Variants in FLYWCH1 observed in about 807,000 individuals in gnomAD.
FLYWCH1 encodes the protein FLYWCH-type zinc finger 1.
FLYWCH1 carries 75 observed loss-of-function variants against 66.4 expected under a neutral mutation model. That is an observed-to-expected ratio of 1.13 (90% CI 0.94 to 1.37). The LOEUF (loss-of-function observed/expected upper bound fraction) is 1.37, where lower values mean the gene tolerates loss of function less well. Among genes scored for constraint, FLYWCH1 ranks in the 40% most tolerant of loss-of-function variants. FLYWCH1 has a pLI of 0.00. For missense variants in FLYWCH1, 1,334 were observed against 1,001.8 expected (o/e 1.33, Z -4.48); for synonymous variants, 595 against 429.9 (o/e 1.38, Z -4.75).
At chr16:2,923,651 G>C (rs1288191454) in intron 2 of FLYWCH1, among the ~76,000 whole-genome samples, 3 of 152,168 alleles carry the variant, frequency 2.0e-5, no homozygotes, top group African/African-American at 4.8e-5. Flanking sequence ...TGGGGGATGT[G>C]GTGTTTGTGT....
rs1246737211 is a variant in FLYWCH1, at chr16:2,945,841, C to CA, written c.2112-2841dup. ...TGAAATCCCATCTCTACTAAAAATA[C>CA]AAAAAATTAGCCGAGCGTGGTGGCA... On this transcript the variant is annotated intron_variant, in intron 9 of 9. Transcript: ENST00000253928. Among the ~76,000 whole-genome samples the CA allele has an allele frequency of 2.6e-5, 4 of 151,392 alleles. No individual in the cohort carries two copies. In the South Asian group the frequency reaches 6.3e-4, roughly 24 times the overall value.
rs761721038 is a variant in FLYWCH1, at chr16:2,930,756, C to A, written c.672C>A (p.Cys224Ter). 1.3e-6 allele frequency: 2 copies of A among 1,570,990 alleles called. No homozygotes were observed. The highest frequency in any genetic ancestry group is 1.7e-6 in the Non-Finnish European group (2 of 1,163,652). The change falls in exon 4 of 10, where the codon TGC (cysteine) becomes TGA (stop). Residue 224 changes from cysteine (C) to a stop codon, truncating the protein, a stop_gained. Coordinates refer to ENST00000253928, the MANE Select transcript of FLYWCH1 (RefSeq NM_001308068.2). LOFTEE classifies it high-confidence loss of function. Reference sequence around the variant, plus strand: ...TGGAGGGGGTGGGCCCGTGGCAGTGCCCTGAGGAGCCCGAGCCCACTCCTG... The same window carrying A: ...TGGAGGGGGTGGGCCCGTGGCAGTGACCTGAGGAGCCCGAGCCCACTCCTG... ...EPLEGVGPWQ[C>*]PEEPEPTPGL...
At chr16:2,932,575 TGGCCCCTGCCCTG>T (rs1273576005) in intron 4 of FLYWCH1, among the ~76,000 whole-genome samples, 3 of 152,076 alleles carry the variant, frequency 2.0e-5, no homozygotes, top group Non-Finnish European at 2.9e-5. Flanking sequence ...GGATCTGAGG[TGGCCCCTGCCCTG>T]GGCACCTGGG....
intron 6 of FLYWCH1, chr16:2,936,439 C>T: frequency 2.2e-6 from 1 of 453,070 alleles, no homozygotes; most frequent in South Asian, 1.6e-5. Context: ...GTTCCACAGC[C>T]AGACACCCTC....
chr16:2,920,185 T>A (rs1398656199), intron 2 of FLYWCH1, among the ~76,000 whole-genome samples: 1 of 152,110 alleles, frequency 6.6e-6, no homozygotes, highest in Non-Finnish European at 1.5e-5. Context: ...CAACATATAA[T>A]GCATGCCACC....
chr16:2,938,450 G>T lies in FLYWCH1; in HGVS notation c.2044G>T (p.Asp682Tyr), dbSNP rs1299612255. 6 of 1,524,230 alleles carry T rather than the reference G, an allele frequency of 3.9e-6. No homozygotes were observed. In the South Asian group the frequency reaches 7.8e-5, roughly 20 times the overall value. The allele number at this position is 1,524,230 out of a possible 1,614,324, so 94.4% of individuals were successfully genotyped here. The change falls in exon 8 of 10, where the codon GAC becomes TAC. Residue 682 changes from aspartate to tyrosine, a missense_variant. Transcript: ENST00000253928. ...GCTCCCCACCACGGCCCAGCAGGAG[G>T]ACCCAGGTACAGGCAGGCTGTGGGG... The part of the protein sequence containing the change: ...ERLPTTAQQE[D>Y]PEKIQVQLCF...
intron 2 of FLYWCH1, among the ~76,000 whole-genome samples, chr16:2,924,406 AT>A (rs561331885): frequency 9.9e-4 from 150 of 152,226 alleles, no homozygotes; most frequent in South Asian, 1.9e-3. Flanking sequence ...ATTGTGTAGC[AT>A]ACGACCCATG....
intron 2 of FLYWCH1, among the ~76,000 whole-genome samples, chr16:2,916,205 C>T (rs1298390028): frequency 3.3e-5 from 5 of 152,050 alleles, no homozygotes; most frequent in African/African-American, 9.7e-5. Context: ...GTTAGCTGGG[C>T]GTGTTGGTGC....
rs114347200 is a variant in FLYWCH1, at chr16:2,948,851, G to A, written c.*124G>A. Reference sequence around the variant, plus strand: ...CTTTTCATTCTTCCAAAGCATCGATGGTCTTCGCGTCTCCTCAGGAGGTCT... The same window carrying A: ...CTTTTCATTCTTCCAAAGCATCGATAGTCTTCGCGTCTCCTCAGGAGGTCT... On this transcript the variant is annotated 3_prime_UTR_variant, in exon 10 of 10. Transcript: ENST00000253928. 6 of 823,074 alleles carry A rather than the reference G, an allele frequency of 7.3e-6. No homozygotes were observed. The highest frequency in any genetic ancestry group is 6.8e-5 in the African/African-American group (4 of 58,780). The allele number at this position is 823,074 out of a possible 1,614,324, so 51.0% of individuals were successfully genotyped here.
intron 2 of FLYWCH1, among the ~76,000 whole-genome samples, chr16:2,928,383 G>A (rs539598904): frequency 6.6e-6 from 1 of 152,268 alleles, no homozygotes; most frequent in African/African-American, 2.4e-5. Flanking sequence ...TCAGTGGGGG[G>A]AAACCTTGGA....
At chr16:2,917,017 G>A (rs1380777222) in intron 2 of FLYWCH1, among the ~76,000 whole-genome samples, 3 of 150,646 alleles carry the variant, frequency 2.0e-5, no homozygotes, top group South Asian at 4.2e-4. Context: ...TTAGCCAGGC[G>A]TGGTAGCGCG....
At chr16:2,916,411 G>A (rs903919348) in intron 2 of FLYWCH1, among the ~76,000 whole-genome samples, 3 of 151,810 alleles carry the variant, frequency 2.0e-5, no homozygotes, top group Non-Finnish European at 2.9e-5. Flanking sequence ...TGAGGCAGGC[G>A]GATCACGAAG....
chr16:2,941,490 G>C (rs566818306), intron 9 of FLYWCH1, among the ~76,000 whole-genome samples: 44 of 152,134 alleles, frequency 2.9e-4, no homozygotes, highest in African/African-American at 1.1e-3. Context: ...TGTGCTGGTA[G>C]TATCGCTTGA....
chr16:2,927,004 T>C (rs1158950039), intron 2 of FLYWCH1, among the ~76,000 whole-genome samples: 2 of 152,072 alleles, frequency 1.3e-5, no homozygotes, highest in Non-Finnish European at 2.9e-5. Context: ...TATCAGCCAG[T>C]AGAAAATAAA....
intron 2 of FLYWCH1, among the ~76,000 whole-genome samples, chr16:2,919,786 C>T (rs2070304491): frequency 6.6e-6 from 1 of 152,116 alleles, no homozygotes; most frequent in African/African-American, 2.4e-5. Flanking sequence ...TGTTTGAAAA[C>T]ATTGCCACCC....
At chr16:2,937,533 A>C (rs1264995891) in intron 7 of FLYWCH1, 149 bp downstream of exon 7, 14 of 978,160 alleles carry the variant, frequency 1.4e-5, no homozygotes, top group Non-Finnish European at 2.8e-6. Context: ...AGGAGGCTCC[A>C]TCTGCGGGCT....
Position 2,938,301 on chromosome 16 carries a change from G to C in FLYWCH1, c.1895G>C (p.Arg632Pro), listed in dbSNP as rs759013771. 1.2e-6 allele frequency: 2 copies of C among 1,611,360 alleles called. No individual in the cohort carries two copies. Among genetic ancestry groups the C allele is most frequent in the Admixed American group, 3.3e-5 (2 of 59,736 alleles). ...GGGGAGAAGGTGTACTGGATGTGCC[G>C]GGACCAGGCTCGGCTGGGCTGCCGC... The part of the protein sequence containing the change: ...AAGEKVYWMC[R>P]DQARLGCRSR... Residue 632 changes from arginine to proline, a missense_variant, in exon 8 of 10, where the codon CGG becomes CCG. By Grantham distance (103) the Arg-to-Pro change is moderately radical. Coordinates refer to ENST00000253928, the MANE Select transcript of FLYWCH1 (RefSeq NM_001308068.2).
chr16:2,945,538 C>T (rs768001245), intron 9 of FLYWCH1, among the ~76,000 whole-genome samples: 53 of 148,726 alleles, frequency 3.6e-4, no homozygotes, highest in South Asian at 8.6e-4. Flanking sequence ...CACCTGTAAT[C>T]CCAGCTACTT....
Position 2,940,071 on chromosome 16 carries a change from C to T in FLYWCH1, c.2090C>T (p.Pro697Leu), listed in dbSNP as rs2150998710. 6.7e-7 allele frequency: 1 copy of T among 1,489,486 alleles called. No individual in the cohort carries two copies. The highest frequency in any genetic ancestry group is 2.3e-5 in the East Asian group (1 of 44,280). The allele number at this position is 1,489,486 out of a possible 1,614,324, so 92.3% of individuals were successfully genotyped here. A position where few individuals can be genotyped will look rare whatever the true frequency, so the allele number is the denominator to read the frequency against. ...QVQLCFKTCS[P>L]ESQQIYGDIK... is the part of the protein sequence containing the mutation. The stretch of plus-strand genomic sequence containing the variant: ...CAGCTGTGCTTCAAGACGTGTTCTC[C>T]TGAAAGCCAGCAGATTTATGGGTAA... The change falls in exon 9 of 10, where the codon CCT (proline) becomes CTT (leucine). Residue 697 changes from proline (P) to leucine (L), a missense_variant. Transcript: ENST00000253928.
Sources: allele counts gnomAD v4.1 joint callset (sites outside exome capture counted in the v4.1 genomes callset), GRCh38; gene constraint gnomAD v4.1.1; transcripts MANE v1.5; gene names NCBI Gene and HGNC (gene_info 2026-07-23, HGNC 2026-07-21).